TNPO1: variants seen among roughly 807,000 people sequenced by gnomAD.
The protein encoded by TNPO1 is transportin 1.
A neutral mutation model predicts 119.5 loss-of-function variants in TNPO1; 8 were observed. That is an observed-to-expected ratio of 0.07 (90% confidence interval 0.04 to 0.12). The LOEUF is 0.12. TNPO1 is among the 10% of genes least tolerant of loss of function. TNPO1 has a pLI of 1.00. For synonymous variants in TNPO1, 362 were observed against 363.0 expected, an observed-to-expected ratio of 1.00 and a Z score of 0.03; for missense variants, 576 against 1,089.8, an observed-to-expected ratio of 0.53 and a Z score of 6.64.
At chr5:72,859,410 T>G (rs1188306492) in intron 4 of TNPO1, among the ~76,000 whole-genome samples, 1 of 152,192 alleles carries the variant, frequency 6.6e-6, no homozygotes, top group Non-Finnish European at 1.5e-5. Flanking sequence ...ACTGAGCTCC[T>G]TGAGGGAAAG....
intron 1 of TNPO1, among the ~76,000 whole-genome samples, chr5:72,823,130 C>A (rs1427641653): frequency 2.0e-5 from 3 of 152,068 alleles, no homozygotes; most frequent in African/African-American, 7.2e-5. Flanking sequence ...TTCCACTGTG[C>A]AGTTGTGGCT....
chr5:72,884,915 A>G (rs1748512272), intron 11 of TNPO1, among the ~76,000 whole-genome samples: 1 of 152,196 alleles, frequency 6.6e-6, no homozygotes, highest in African/African-American at 2.4e-5. Flanking sequence ...GGGGAACAAA[A>G]TCAACCCCAG....
rs1226759152 is a variant in TNPO1 at position 72,903,705 on chromosome 5, A to C, written c.2515-4A>C. The C allele has an allele frequency of 1.3e-6, 2 of 1,597,610 alleles. No individual in the cohort carries two copies. The highest frequency in any genetic ancestry group is 1.7e-6 in the Non-Finnish European group (2 of 1,171,084). ...ACCTAAGATGTATTTCTTGCTTGTT[A>C]CAGGATTTTATATTTTTTTGTGATG... is the stretch of plus-strand genomic sequence containing the variant. On this transcript the variant is annotated splice_polypyrimidine_tract_variant and splice_region_variant and intron_variant, in intron 22 of 24. Transcript: ENST00000337273.
intron 7 of TNPO1, among the ~76,000 whole-genome samples, chr5:72,873,812 A>G (rs892461427): frequency 6.6e-6 from 1 of 152,094 alleles, no homozygotes; most frequent in African/African-American, 2.4e-5. Flanking sequence ...TAATTGACCT[A>G]CCTTGTTGGA....
At chr5:72,867,538 A>G (rs1389697463) in intron 6 of TNPO1, among the ~76,000 whole-genome samples, 3 of 152,214 alleles carry the variant, frequency 2.0e-5, no homozygotes, top group Admixed American at 1.3e-4. Flanking sequence ...TTCTTAGTTG[A>G]TGACATTCTC....
chr5:72,882,450 A>G lies in TNPO1; in HGVS notation c.921-17A>G, dbSNP rs770644703. On this transcript the variant is annotated splice_polypyrimidine_tract_variant and intron_variant, in intron 9 of 24. Transcript: ENST00000337273. ...GAGATCTTAAGGTCTTTGTTTCATGAATTTCTTTCTTTATAGGTTGATTCC... is the reference window on the plus strand; with the variant it reads ...GAGATCTTAAGGTCTTTGTTTCATGGATTTCTTTCTTTATAGGTTGATTCC... 1 of 1,594,898 alleles carries G rather than the reference A, an allele frequency of 6.3e-7. No homozygotes were observed. The highest frequency in any genetic ancestry group is 8.6e-7 in the Non-Finnish European group (1 of 1,168,104).
At chr5:72,841,809 A>G (rs1353371584) in intron 1 of TNPO1, among the ~76,000 whole-genome samples, 1 of 152,106 alleles carries the variant, frequency 6.6e-6, no homozygotes, top group Non-Finnish European at 1.5e-5. Context: ...TATTCTTTAA[A>G]TAGCATGCTC....
intron 1 of TNPO1, among the ~76,000 whole-genome samples, chr5:72,820,757 C>T (rs1476026463): frequency 1.3e-5 from 2 of 152,204 alleles, no homozygotes; most frequent in South Asian, 2.1e-4. Flanking sequence ...AACTATAGAT[C>T]ACAGACCACA....
intron 24 of TNPO1, among the ~76,000 whole-genome samples, chr5:72,908,258 G>C (rs1210501375): frequency 6.6e-6 from 1 of 151,924 alleles, no homozygotes; most frequent in Non-Finnish European, 1.5e-5. Context: ...GCTTAATATT[G>C]GGAATACTGG....
chr5:72,837,586 G>A (rs1461630159), intron 1 of TNPO1, among the ~76,000 whole-genome samples: 2 of 152,160 alleles, frequency 1.3e-5, no homozygotes, highest in Non-Finnish European at 2.9e-5. Context: ...TAAATGACAA[G>A]TTAAACAGTC....
rs747285032 is a variant in TNPO1 at position 72,848,527 on chromosome 5, C to A, written c.129+29C>A. ...TCCTTTCCGAGGCCTGGCCGCCACC[C>A]GCGCAGCTCGCCCCGCGCTGCGGCC... is the stretch of plus-strand genomic sequence containing the variant. On this transcript the variant is annotated intron_variant, in intron 2 of 24. Coordinates refer to ENST00000337273, the MANE Select transcript of TNPO1 (RefSeq NM_002270.4). The A allele has an allele frequency of 9.0e-6, 13 of 1,449,558 alleles. 1 individual carries two copies. In the East Asian group the frequency reaches 3.5e-4, roughly 40 times the overall value. 89.8% of individuals were successfully genotyped at this position (1,449,558 alleles called of 1,614,324 possible).
At chr5:72,869,156 C>T (rs1002771423) in intron 6 of TNPO1, among the ~76,000 whole-genome samples, 7 of 151,940 alleles carry the variant, frequency 4.6e-5, no homozygotes, top group Admixed American at 2.6e-4. Flanking sequence ...TTTTGGGTAA[C>T]GTTACTCCTA....
Position 72,848,489 on chromosome 5 carries a change from C to G in TNPO1, c.120C>G (p.Thr40=), listed in dbSNP as rs1177903512. ...CCCCAGACACCACCATCCAGAGAAC[C>G]GTGCAACAAGTATCCTTTCCGAGGC... ...SQSPDTTIQR[T]VQQKLEQLNQ... Residue 40 remains threonine (T), a synonymous_variant, in exon 2 of 25, where the codon ACC becomes ACG. Coordinates refer to ENST00000337273, the MANE Select transcript of TNPO1 (RefSeq NM_002270.4). 1 of 1,598,290 alleles carries G rather than the reference C, an allele frequency of 6.3e-7. No homozygotes were observed. The highest frequency in any genetic ancestry group is 8.5e-7 in the Non-Finnish European group (1 of 1,172,010).
intron 1 of TNPO1, among the ~76,000 whole-genome samples, chr5:72,828,351 G>A (rs151004418): frequency 0.014 from 2,197 of 152,196 alleles, 28 homozygotes; most frequent in Middle Eastern, 0.031. Flanking sequence ...TAGTTGTGGG[G>A]GATGAACGGA....
At position 72,888,719 on chromosome 5, in the gene TNPO1, A is replaced by G. The variant is rs139920877; in HGVS notation, c.1529+416A>G. Among the ~76,000 whole-genome samples, 80 of 152,322 alleles carry G rather than the reference A, an allele frequency of 5.3e-4. 2 individuals are homozygous for G. The highest frequency in any genetic ancestry group is 1.8e-3 in the African/African-American group (73 of 41,572). ...GGACTCCTACTCTTGAAGGAATAAC[A>G]ACGTTTGAGCAGATTGACATCCTTA... On this transcript the variant is annotated intron_variant, in intron 13 of 24. Transcript: ENST00000337273.
intron 6 of TNPO1, among the ~76,000 whole-genome samples, chr5:72,867,154 G>T (rs113690751): frequency 1.5e-5 from 2 of 134,676 alleles, no homozygotes; most frequent in Non-Finnish European, 3.2e-5. Context: ...CTGAGTGATG[G>T]AATAAGACCC....
intron 9 of TNPO1, chr5:72,878,840 C>A: frequency 2.3e-6 from 1 of 428,558 alleles, no homozygotes; most frequent in Non-Finnish European, 4.7e-6. Context: ...AGCAGAAATC[C>A]GCTTTTATTT....
In TNPO1 at chr5:72,865,391, G is replaced by A. The variant is rs1423817865; in HGVS notation, c.463-205G>A. Among the ~76,000 whole-genome samples, 3 of 84,550 alleles carry A rather than the reference G, an allele frequency of 3.5e-5. No individual in the cohort carries two copies. In the East Asian group the frequency reaches 1.1e-3, roughly 32 times the overall value. The allele number at this position is 84,550 out of a possible 152,430, so 55.5% of individuals were successfully genotyped here. A position where few individuals can be genotyped will look rare whatever the true frequency, so the allele number is the denominator to read the frequency against. On this transcript the variant is annotated intron_variant, in intron 5 of 24. Coordinates refer to ENST00000337273, the MANE Select transcript of TNPO1 (RefSeq NM_002270.4). ...CGGGAGGCAGAAGTTGCAGTGACCCGAGATGGTGCCACTGCCAGCCTGGGC... is the reference window on the plus strand; with the variant it reads ...CGGGAGGCAGAAGTTGCAGTGACCCAAGATGGTGCCACTGCCAGCCTGGGC...
At chr5:72,905,656 A>G (rs932939277) in intron 24 of TNPO1, 3 of 258,860 alleles carry the variant, frequency 1.2e-5, no homozygotes, top group Non-Finnish European at 2.2e-5. Flanking sequence ...GCACTTGGGG[A>G]GGCCAAGGTG....
Sources: gnomAD v4.1 joint callset for allele counts (sites outside exome capture counted in the v4.1 genomes callset) on GRCh38, gnomAD v4.1.1 for gene constraint, MANE v1.5 for transcripts, NCBI Gene and HGNC (gene_info 2026-07-23, HGNC 2026-07-21) for gene names.